P2RX6: variants seen among roughly 807,000 people sequenced by gnomAD.
P2RX6 encodes the protein purinergic receptor P2X 6.
A neutral mutation model predicts 54.2 loss-of-function variants in P2RX6; 62 were observed. The observed-to-expected ratio is 1.14, with a 90% CI of 0.93 to 1.41. The LOEUF (loss-of-function observed/expected upper bound fraction) is 1.41. Among genes scored for constraint, P2RX6 ranks in the 40% most tolerant of loss-of-function variants. The pLI is 0.00. For missense variants in P2RX6, 541 were observed against 566.3 expected, an observed-to-expected ratio of 0.96 and a Z score of 0.45; for synonymous variants, 211 against 231.9, an observed-to-expected ratio of 0.91 and a Z score of 0.82.
chr22:21,017,030 C>A (rs1926518940), intron 2 of P2RX6, among the ~76,000 whole-genome samples: 1 of 152,200 alleles, frequency 6.6e-6, no homozygotes, highest in Non-Finnish European at 1.5e-5. Flanking sequence ...GGACCCCTTC[C>A]TGTCCCTTCC....
upstream of P2RX6, among the ~76,000 whole-genome samples, chr22:21,012,013 G>T (rs1925762881): frequency 6.6e-6 from 1 of 152,212 alleles, no homozygotes; most frequent in African/African-American, 2.4e-5. Flanking sequence ...CACTTCAGGA[G>T]TGCATTTCAC....
chr22:21,020,311 C>T (rs1927124881), intron 3 of P2RX6, among the ~76,000 whole-genome samples: 1 of 152,164 alleles, frequency 6.6e-6, no homozygotes, highest in Admixed American at 6.5e-5. Context: ...ACCTGGCTTT[C>T]CCGGAAGACC....
upstream of P2RX6, among the ~76,000 whole-genome samples, chr22:21,010,937 T>G (rs1306336210): frequency 6.6e-6 from 1 of 151,792 alleles, no homozygotes; most frequent in Non-Finnish European, 1.5e-5. Flanking sequence ...CCCTCTGATC[T>G]TGCCATGGCT....
intron 8 of P2RX6, among the ~76,000 whole-genome samples, chr22:21,024,418 C>T (rs142450509): frequency 0.029 from 4,472 of 152,062 alleles, 232 homozygotes; most frequent in African/African-American, 0.1. Context: ...GCTGGGACTA[C>T]GGGTGCACGC....
intron 1 of P2RX6, 55 bp from the exon 2 acceptor site, chr22:21,015,887 G>C: frequency 6.6e-7 from 1 of 1,525,178 alleles, no homozygotes; most frequent in South Asian, 1.2e-5. Context: ...GCTCAGCTCC[G>C]CCCCTGTCAC....
rs143057846 is a variant in P2RX6, at chr22:21,016,027, G to T, written c.250G>T (p.Val84Phe). 3.2e-6 allele frequency: 5 copies of T among 1,556,142 alleles called. No homozygotes were observed. The highest frequency in any genetic ancestry group is 1.2e-5 in the South Asian group (1 of 84,286). The change falls in exon 2 of 12, where the codon GTC becomes TTC. Residue 84 changes from valine to phenylalanine, a missense_variant. Physicochemically the swap from Val to Phe is conservative, Grantham distance 50. Transcript: ENST00000413302. ...CATCACCAAACTCAAAGGGGTTTCC[G>T]TCACTCAGATCAAGGAGCTTGGAAA... ...SIITKLKGVS[V>F]TQIKELGNRL... is the part of the protein sequence containing the mutation.
upstream of P2RX6, among the ~76,000 whole-genome samples, chr22:21,013,441 A>T (rs1199100970): frequency 6.6e-6 from 1 of 152,212 alleles, no homozygotes; most frequent in Non-Finnish European, 1.5e-5. Flanking sequence ...AATTATTTAA[A>T]TTAGCCAGAT....
rs564575093 is a variant in P2RX6 at position 21,016,196 on chromosome 22, C to T, written c.315+104C>T. ...TGTGCGAGAGAGAAGCATGTGATGC[C>T]AGAGACGGCTGCGGGTTCTCAGGAA... On this transcript the variant is annotated intron_variant, in intron 2 of 11. Coordinates refer to ENST00000413302, the MANE Select transcript of P2RX6 (RefSeq NM_005446.5). 2.9e-5 allele frequency: 35 copies of T among 1,205,976 alleles called. No individual in the cohort carries two copies. The African/African-American group carries it at 4.9e-4, about 17-fold the overall frequency. The allele number at this position is 1,205,976 out of a possible 1,614,324, so 74.7% of individuals were successfully genotyped here.
chr22:21,026,101 T>C lies in P2RX6; in HGVS notation c.1050+25T>C. The stretch of plus-strand genomic sequence containing the variant: ...GGTGAGTGCGAGCACTGTGGGCACC[T>C]GCAGGCTGCAGTGAGTGCTGCTGAC... On this transcript the variant is annotated intron_variant, in intron 10 of 11. Transcript: ENST00000413302. The surrounding 1 kb of genome is among the most constrained non-coding windows in gnomAD (Gnocchi z 4.0). The C allele has an allele frequency of 6.3e-7, 1 of 1,598,746 alleles. No individual in the cohort carries two copies. The highest frequency in any genetic ancestry group is 8.5e-7 in the Non-Finnish European group (1 of 1,172,880).
rs144777310 is a variant in P2RX6 at position 21,015,241 on chromosome 22, C to A, written c.67C>A (p.Leu23Met). Reference protein sequence around the residue: ...SPGATTGWGLLDYKTEKYVMT... With the variant: ...SPGATTGWGLMDYKTEKYVMT... ...AGGGGCTACGACAGGCTGGGGGCTT[C>A]TGGATTATAAGACGGAGAAGTATGT... Residue 23 changes from leucine (L) to methionine (M), a missense_variant, in exon 1 of 12, where the codon CTG (leucine) becomes ATG (methionine). Transcript: ENST00000413302. 84 of 1,536,928 alleles carry A rather than the reference C, an allele frequency of 5.5e-5. No homozygotes were observed. The African/African-American group carries it at 1.1e-3, about 19-fold the overall frequency.
At chr22:21,024,280 CTT>C (rs35973141) in intron 8 of P2RX6, among the ~76,000 whole-genome samples, 13 of 133,852 alleles carry the variant, frequency 9.7e-5, no homozygotes, top group Admixed American at 2.3e-4. Context: ...TTTACCTAAA[CTT>C]TTTTTTTTTT....
Position 21,015,991 on chromosome 22 carries a change from C to A in P2RX6, c.214C>A (p.Gln72Lys). The A allele has an allele frequency of 6.4e-7, 1 of 1,550,476 alleles. No homozygotes were observed. Among genetic ancestry groups the A allele is most frequent in the South Asian group, 1.2e-5 (1 of 84,000 alleles). ...KGYQERDLEP[Q>K]FSIITKLKGV... ...CTACCAGGAGCGGGACCTGGAACCC[C>A]AGTTTTCCATCATCACCAAACTCAA... The change falls in exon 2 of 12, where the codon CAG (glutamine) becomes AAG (lysine). Residue 72 changes from glutamine to lysine, a missense_variant. This residue lies in a region of P2RX6 where 526 missense variants were observed against 531.5 expected (regional missense o/e 0.99). Transcript: ENST00000413302.
chr22:21,026,809 G>A lies in P2RX6; in HGVS notation c.*192G>A. On this transcript the variant is annotated 3_prime_UTR_variant, in exon 12 of 12. Coordinates refer to ENST00000413302, the MANE Select transcript of P2RX6 (RefSeq NM_005446.5). The surrounding 1 kb of genome is among the most constrained non-coding windows in gnomAD (Gnocchi z 4.0). ...GCCATAGAAGTCGGCTGTGTTTTGAGACGGCGACAGAACCTGACCCGTGGA... is the reference window on the plus strand; with the variant it reads ...GCCATAGAAGTCGGCTGTGTTTTGAAACGGCGACAGAACCTGACCCGTGGA... 1 of 1,207,166 alleles carries A rather than the reference G, an allele frequency of 8.3e-7. No individual in the cohort carries two copies. Among genetic ancestry groups the A allele is most frequent in the South Asian group, 1.6e-5 (1 of 62,260 alleles). The allele number at this position is 1,207,166 out of a possible 1,614,324, so 74.8% of individuals were successfully genotyped here.
rs1002834888 is a variant in P2RX6, at chr22:21,026,960, A to G, written c.*343A>G. 7.5e-5 allele frequency: 25 copies of G among 335,032 alleles called. No homozygotes were observed. Among genetic ancestry groups the G allele is most frequent in the African/African-American group, 4.8e-4 (23 of 47,720 alleles). 20.8% of individuals were successfully genotyped at this position (335,032 alleles called of 1,614,324 possible). A position where few individuals can be genotyped will look rare whatever the true frequency, so the allele number is the denominator to read the frequency against. ...TGTCCCCAGTGTTCCTAGCAGAGGT[A>G]TGCTTACCAGCTGTCAGCACAGACC... On this transcript the variant is annotated 3_prime_UTR_variant, in exon 12 of 12. Coordinates refer to ENST00000413302, the MANE Select transcript of P2RX6 (RefSeq NM_005446.5). The surrounding 1 kb of genome is among the most constrained non-coding windows in gnomAD (Gnocchi z 4.0).
At chr22:21,019,420 G>A (rs1926973696) in intron 3 of P2RX6, among the ~76,000 whole-genome samples, 1 of 152,172 alleles carries the variant, frequency 6.6e-6, no homozygotes, top group Admixed American at 6.5e-5. Context: ...GGTTCAAGCA[G>A]TTCTCCTGCT....
chr22:21,019,629 A>G (rs1927016566), intron 3 of P2RX6, among the ~76,000 whole-genome samples: 1 of 152,162 alleles, frequency 6.6e-6, no homozygotes, highest in African/African-American at 2.4e-5. Context: ...GGAGACCTGA[A>G]CCCAGCGGTG....
rs1277001363 is a variant in P2RX6, at chr22:21,023,637, C to T, written c.890+19C>T. 1.3e-6 allele frequency: 2 copies of T among 1,537,880 alleles called. No homozygotes were observed. The highest frequency in any genetic ancestry group is 1.8e-6 in the Non-Finnish European group (2 of 1,124,950). On this transcript the variant is annotated intron_variant, in intron 8 of 11. Coordinates refer to ENST00000413302, the MANE Select transcript of P2RX6 (RefSeq NM_005446.5). ...ACTTCAGGTGAGGCCCCACTGCTCC[C>T]AGTGCCCAGCTGCTGGGCCCATCGC...
At chr22:21,014,427 C>CT (rs1925992094), upstream of P2RX6, 1 of 152,308 alleles carries the variant, frequency 6.6e-6, no homozygotes, top group South Asian at 2.1e-4. Flanking sequence ...CCGTAGAAAC[C>CT]GTGGCTCTCC....
intron 8 of P2RX6, among the ~76,000 whole-genome samples, chr22:21,024,878 G>GTTTTTTTTTT (rs562371289): frequency 1.8e-5 from 2 of 110,758 alleles, no homozygotes; most frequent in African/African-American, 7.0e-5. Context: ...TTTTTTTTGT[G>GTTTTTTTTTT]TTTTTTTTTT....
Sources: allele counts gnomAD v4.1 joint callset (sites outside exome capture counted in the v4.1 genomes callset), GRCh38; gene constraint gnomAD v4.1.1; regional missense constraint gnomAD v4.1.1; non-coding constraint Gnocchi (gnomAD v3.1); transcripts MANE v1.5; gene names NCBI Gene and HGNC (gene_info 2026-07-23, HGNC 2026-07-21).